The following CNGA3 variants were observed in gnomAD, a reference collection of about 807,000 sequenced individuals.
The protein encoded by CNGA3 is cyclic nucleotide gated channel subunit alpha 3, also known as cyclic nucleotide-gated channel alpha-3.
In CNGA3, 42 loss-of-function variants were observed where a neutral mutation model predicts 46.6. That is an observed-to-expected ratio of 0.90 (90% confidence interval 0.70 to 1.17). The LOEUF (loss-of-function observed/expected upper bound fraction) is 1.17. Ranked by LOEUF, CNGA3 falls within the 50% of genes most tolerant of loss-of-function variation. The pLI is 0.00. For missense variants in CNGA3, 893 were observed against 890.7 expected (o/e 1.00, Z -0.03); for synonymous variants, 394 against 369.4 (o/e 1.07, Z -0.76).
chr2:98,392,739 A>G (rs112997261), intron 7 of CNGA3, among the ~76,000 whole-genome samples: 2,599 of 152,290 alleles, frequency 0.017, 39 homozygotes, highest in Middle Eastern at 0.041. Flanking sequence ...GATACAGGAC[A>G]TGTTACTCCG....
intron 2 of CNGA3, among the ~76,000 whole-genome samples, chr2:98,373,098 CAG>C (rs1261248190): frequency 6.6e-6 from 1 of 152,196 alleles, no homozygotes; most frequent in Non-Finnish European, 1.5e-5. Context: ...CAAGGAATGA[CAG>C]TGTGTACTCA....
Position 98,351,371 on chromosome 2 carries a change from C to T in CNGA3, c.-38+4837C>T, listed in dbSNP as rs149969541. ...ATCATCGGGGCAGGCCTTTCCCATG[C>T]TGTTCTCATGATAGTGAATAAGTCT... is the stretch of plus-strand genomic sequence containing the variant. On this transcript the variant is annotated intron_variant, in intron 1 of 7. Transcript: ENST00000272602. 8.9e-4 allele frequency among the ~76,000 whole-genome samples: 135 copies of T among 152,310 alleles called. 1 individual carries two copies. Among genetic ancestry groups the T allele is most frequent in the African/African-American group, 3.1e-3 (129 of 41,554 alleles).
intron 2 of CNGA3, among the ~76,000 whole-genome samples, chr2:98,371,114 T>C (rs991692759): frequency 6.6e-6 from 1 of 152,200 alleles, no homozygotes; most frequent in Non-Finnish European, 1.5e-5. Flanking sequence ...TGTGAGCCAC[T>C]GCACCCAGCC....
At chr2:98,367,231 G>T (rs1273347295) in intron 1 of CNGA3, among the ~76,000 whole-genome samples, 5 of 140,006 alleles carry the variant, frequency 3.6e-5, no homozygotes, top group African/African-American at 8.0e-5. Context: ...GTGTCCCCCA[G>T]GCTGGAGGGC....
rs1403921978 is a variant in CNGA3 at position 98,396,577 on chromosome 2, C to T, written c.1407C>T (p.Ala469=). 6.2e-7 allele frequency: 1 copy of T among 1,613,938 alleles called. No homozygotes were observed. The highest frequency in any genetic ancestry group is 8.5e-7 in the Non-Finnish European group (1 of 1,179,932). The change falls in exon 8 of 8, where the codon GCC becomes GCT. Residue 469 remains alanine, a synonymous_variant. Transcript: ENST00000272602. ...CAGACAAGCTGAAGGCTGAGATCGC[C>T]ATCAACGTGCACCTGGACACGCTGA... ...SLPDKLKAEI[A]INVHLDTLKK...
Position 98,347,798 on chromosome 2 carries a change from C to A in CNGA3, c.-38+1264C>A, listed in dbSNP as rs539720371. On this transcript the variant is annotated intron_variant, in intron 1 of 7. Coordinates refer to ENST00000272602, the MANE Select transcript of CNGA3 (RefSeq NM_001298.3). ...GCACCCACCCGGGTTCAGACTCCAT[C>A]CCGGAGTGGACAGCTCGGTGCCCCT... is the stretch of plus-strand genomic sequence containing the variant. Among the ~76,000 whole-genome samples, 12 of 152,358 alleles carry A rather than the reference C, an allele frequency of 7.9e-5. 1 individual carries two copies. The South Asian group carries it at 2.5e-3, about 32-fold the overall frequency.
At chr2:98,347,367 C>T (rs534976117) in intron 1 of CNGA3, among the ~76,000 whole-genome samples, 14 of 152,310 alleles carry the variant, frequency 9.2e-5, no homozygotes, top group African/African-American at 3.4e-4. Flanking sequence ...TCCCAGCCGT[C>T]AGGCTTTTCT....
At chr2:98,377,438 C>T (rs907404187) in intron 2 of CNGA3, 7 of 484,260 alleles carry the variant, frequency 1.4e-5, no homozygotes, top group African/African-American at 1.2e-4. Flanking sequence ...CATGTACTGC[C>T]ACCTTCCCGT....
chr2:98,379,077 G>T (rs562410844), intron 3 of CNGA3, among the ~76,000 whole-genome samples: 1 of 152,242 alleles, frequency 6.6e-6, no homozygotes, highest in Non-Finnish European at 1.5e-5. Flanking sequence ...GGAGGAGGGA[G>T]TATGACCTTG....
At chr2:98,370,837 C>G (rs1397582119) in intron 2 of CNGA3, among the ~76,000 whole-genome samples, 1 of 152,050 alleles carries the variant, frequency 6.6e-6, no homozygotes, top group African/African-American at 2.4e-5. Context: ...TAGTTTTTTC[C>G]TTTTTGTTTT....
intron 5 of CNGA3, among the ~76,000 whole-genome samples, chr2:98,384,849 T>TGTGA (rs1692618661): frequency 6.6e-6 from 1 of 152,180 alleles, no homozygotes; most frequent in Non-Finnish European, 1.5e-5. Context: ...ATGGGCTCAC[T>TGTGA]TCACTGGTCC....
intron 5 of CNGA3, among the ~76,000 whole-genome samples, chr2:98,388,400 G>A (rs1692707680): frequency 6.6e-6 from 1 of 152,140 alleles, no homozygotes; most frequent in Non-Finnish European, 1.5e-5. Flanking sequence ...CCTCCCTGCA[G>A]GGCTCCAGGG....
chr2:98,372,352 G>A (rs1044904849), intron 2 of CNGA3, among the ~76,000 whole-genome samples: 2 of 152,198 alleles, frequency 1.3e-5, no homozygotes, highest in South Asian at 2.1e-4. Context: ...CTGGCTTCTG[G>A]CAGACTCTCT....
rs532298545 is a variant in CNGA3 at position 98,391,808 on chromosome 2, G to C, written c.567-56G>C. The C allele has an allele frequency of 8.4e-6, 13 of 1,549,012 alleles. No homozygotes were observed. In the African/African-American group the frequency reaches 1.6e-4, roughly 19 times the overall value. On this transcript the variant is annotated intron_variant, in intron 6 of 7. Transcript: ENST00000272602. ...ACAGAGCCCGTGCCCACAGGTGGGT[G>C]GTCCACGCTCCAGAAACACACGCAC... is the stretch of plus-strand genomic sequence containing the variant.
At position 98,397,243 on chromosome 2, in the gene CNGA3, C is replaced by T. The variant is rs777984739; in HGVS notation, c.2073C>T (p.Asp691=). The T allele has an allele frequency of 2.3e-5, 37 of 1,613,608 alleles. No homozygotes were observed. Among genetic ancestry groups the T allele is most frequent in the Admixed American group, 2.2e-4 (13 of 60,006 alleles). The change falls in exon 8 of 8, where the codon GAC becomes GAT. Residue 691 remains aspartate, a synonymous_variant. Transcript: ENST00000272602. ...EVPGDATKTE[D]KQQ is the part of the protein sequence containing the mutation. Reference sequence around the variant, plus strand: ...CCGGGGATGCTACAAAAACAGAGGACAAACAACAGTGAAAATGCAGCATCT... The same window carrying T: ...CCGGGGATGCTACAAAAACAGAGGATAAACAACAGTGAAAATGCAGCATCT...
In CNGA3 at chr2:98,372,553, G is replaced by A. The variant is rs141404289; in HGVS notation, c.101+2477G>A. Among the ~76,000 whole-genome samples the A allele has an allele frequency of 2.1e-3, 315 of 152,216 alleles. 2 individuals are homozygous for A. Among genetic ancestry groups the A allele is most frequent in the Middle Eastern group, 0.014 (4 of 294 alleles). ...TGATGGTTTAACAGCACAAGCTTGG[G>A]GTCAGACTGCCTGGGATTGGACACT... On this transcript the variant is annotated intron_variant, in intron 2 of 7. Transcript: ENST00000272602.
intron 5 of CNGA3, among the ~76,000 whole-genome samples, chr2:98,385,031 C>A (rs1185806069): frequency 6.6e-6 from 1 of 152,208 alleles, no homozygotes; most frequent in African/African-American, 2.4e-5. Flanking sequence ...CTGTTCCCAG[C>A]CAAAACCAGC....
chr2:98,357,282 C>G (rs372966763), intron 1 of CNGA3, among the ~76,000 whole-genome samples: 2 of 152,216 alleles, frequency 1.3e-5, no homozygotes, highest in South Asian at 2.1e-4. Flanking sequence ...AGGATGAGCA[C>G]TGGAGTGCAA....
At chr2:98,373,774 G>A (rs1000831449) in intron 2 of CNGA3, among the ~76,000 whole-genome samples, 1 of 152,170 alleles carries the variant, frequency 6.6e-6, no homozygotes, top group Non-Finnish European at 1.5e-5. Flanking sequence ...GAGAATTGCA[G>A]CTAGGACTGA....
Sources: allele counts gnomAD v4.1 joint callset (sites outside exome capture counted in the v4.1 genomes callset), GRCh38; gene constraint gnomAD v4.1.1; transcripts MANE v1.5; gene names NCBI Gene and HGNC (gene_info 2026-07-23, HGNC 2026-07-21).